DLGAP2: variants seen among roughly 807,000 people sequenced by gnomAD.
DLGAP2 encodes the protein disks large-associated protein 2.
A neutral mutation model predicts 100.3 loss-of-function variants in DLGAP2; 26 were observed. The ratio of observed to expected loss-of-function variants is 0.26; its 90% CI spans 0.19 to 0.36. The LOEUF (loss-of-function observed/expected upper bound fraction) is 0.36. Among genes scored for constraint, DLGAP2 ranks in the 10% least tolerant of loss-of-function variants. The pLI, the probability that DLGAP2 is intolerant of heterozygous loss-of-function variation, is 1.00. For missense variants in DLGAP2, 1,858 were observed against 1,453.2 expected, an observed-to-expected ratio of 1.28 and a Z score of -4.53; for synonymous variants, 886 against 630.1, an observed-to-expected ratio of 1.41 and a Z score of -6.08.
At position 1,548,864 on chromosome 8, in the gene DLGAP2, G is replaced by A. The variant is rs1371030171; in HGVS notation, c.411G>A (p.Pro137=). ...SCPGGRHRCS[P]RSSVHSECVM... is the part of the protein sequence containing the mutation. ...CCGGGGGGCGCCACCGCTGCTCGCC[G>A]CGCAGCTCGGTGCACTCGGAGTGCG... The change falls in exon 5 of 15, where the codon CCG becomes CCA. Residue 137 remains proline (P), a synonymous_variant. Coordinates refer to ENST00000637795, the MANE Select transcript of DLGAP2 (RefSeq NM_001346810.2). 8 of 1,588,228 alleles carry A rather than the reference G, an allele frequency of 5.0e-6. No individual in the cohort carries two copies. Among genetic ancestry groups the A allele is most frequent in the South Asian group, 1.1e-5 (1 of 89,682 alleles).
chr8:1,574,777 G>T (rs572073738), intron 6 of DLGAP2, among the ~76,000 whole-genome samples: 2 of 152,272 alleles, frequency 1.3e-5, no homozygotes, highest in Admixed American at 1.3e-4. Context: ...ATTGTATATG[G>T]TTCAACCTGA....
intron 4 of DLGAP2, among the ~76,000 whole-genome samples, chr8:1,521,957 G>A (rs372329145): frequency 4.7e-4 from 66 of 139,100 alleles, no homozygotes; most frequent in East Asian, 2.3e-3. Flanking sequence ...TGGAATACTC[G>A]GCAGCTGATA....
At chr8:1,427,908 C>T (rs7812765) in intron 3 of DLGAP2, among the ~76,000 whole-genome samples, 34,419 of 151,966 alleles carry the variant, frequency 0.23, 4,006 homozygotes, top group Middle Eastern at 0.3. Flanking sequence ...TTAACAGTGC[C>T]GCAATGAATA....
intron 2 of DLGAP2, among the ~76,000 whole-genome samples, chr8:1,007,875 C>T: frequency 6.6e-6 from 1 of 152,086 alleles, no homozygotes; most frequent in East Asian, 1.9e-4. Flanking sequence ...ATGGCAAGGT[C>T]ATTTTAAAAG....
At chr8:1,661,333 C>A (rs987594798) in intron 8 of DLGAP2, among the ~76,000 whole-genome samples, 1 of 152,116 alleles carries the variant, frequency 6.6e-6, no homozygotes, top group Non-Finnish European at 1.5e-5. Flanking sequence ...TTGACATGGC[C>A]AGTAGGAGCA....
At chr8:1,241,118 C>T (rs1367516131) in intron 2 of DLGAP2, among the ~76,000 whole-genome samples, 2 of 117,800 alleles carry the variant, frequency 1.7e-5, no homozygotes, top group Non-Finnish European at 3.6e-5. Flanking sequence ...CTGGTTCTCT[C>T]GCATGGCGCC....
intron 3 of DLGAP2, among the ~76,000 whole-genome samples, chr8:1,454,771 A>G (rs1013990325): frequency 8.5e-5 from 13 of 152,186 alleles, no homozygotes; most frequent in Non-Finnish European, 1.9e-4. Context: ...ACAGGCAGGT[A>G]GAAAAGGAAT....
intron 2 of DLGAP2, among the ~76,000 whole-genome samples, chr8:1,224,044 G>C (rs935497700): frequency 6.6e-6 from 1 of 152,188 alleles, no homozygotes; most frequent in Non-Finnish European, 1.5e-5. Flanking sequence ...GTTAAGCAAT[G>C]AATCAAAACG....
chr8:1,324,776 C>G (rs746183419), intron 3 of DLGAP2, among the ~76,000 whole-genome samples: 6 of 152,158 alleles, frequency 3.9e-5, no homozygotes, highest in African/African-American at 1.2e-4. Flanking sequence ...GTCTTTCTTC[C>G]TAAAATATCA....
intron 3 of DLGAP2, among the ~76,000 whole-genome samples, chr8:1,379,139 T>G (rs1186320207): frequency 6.6e-6 from 1 of 152,276 alleles, no homozygotes; most frequent in Non-Finnish European, 1.5e-5. Context: ...GGCCAGTTCT[T>G]CCCTGAGCCC....
At chr8:984,837 C>T (rs961651109) in intron 2 of DLGAP2, among the ~76,000 whole-genome samples, 2 of 152,170 alleles carry the variant, frequency 1.3e-5, no homozygotes, top group Admixed American at 6.5e-5. Flanking sequence ...GCACCTGATT[C>T]TTCACTGGTC....
chr8:974,360 C>T (rs7008809), intron 2 of DLGAP2, among the ~76,000 whole-genome samples: 2,061 of 152,250 alleles, frequency 0.014, 56 homozygotes, highest in African/African-American at 0.047. Flanking sequence ...AAAGTTGATT[C>T]AAATATTTAA....
Position 1,641,227 on chromosome 8 carries a change from G to A in DLGAP2, c.1810+8181G>A, listed in dbSNP as rs960869469. ...GCCTCCCGGTTTGCAGAAGGCGAGC[G>A]TGATGCAGATAAATCGTGCATCTGT... On this transcript the variant is annotated intron_variant, in intron 8 of 14. Coordinates refer to ENST00000637795, the MANE Select transcript of DLGAP2 (RefSeq NM_001346810.2). Among the ~76,000 whole-genome samples, 7 of 152,308 alleles carry A rather than the reference G, an allele frequency of 4.6e-5. No individual in the cohort carries two copies. The East Asian group carries it at 9.6e-4, about 21-fold the overall frequency.
chr8:1,475,277 T>C (rs776637225), intron 3 of DLGAP2, among the ~76,000 whole-genome samples: 15 of 151,444 alleles, frequency 9.9e-5, no homozygotes, highest in Non-Finnish European at 2.9e-5. Context: ...TCAACCTACA[T>C]AACACACCTG....
chr8:1,203,379 C>T lies in DLGAP2; in HGVS notation c.74-55472C>T, dbSNP rs1048606934. The stretch of plus-strand genomic sequence containing the variant: ...GAATCCATGAGACTGGCGTGTCCTT[C>T]GGTGACGAGGCCGCCCACCCTTCGG... On this transcript the variant is annotated intron_variant, in intron 2 of 14. Transcript: ENST00000637795. Among the ~76,000 whole-genome samples the T allele has an allele frequency of 2.0e-4, 31 of 151,596 alleles. 8 individuals carry two copies. Among genetic ancestry groups the T allele is most frequent in the African/African-American group, 6.8e-4 (28 of 41,276 alleles).
chr8:801,429 C>T (rs924711658), intron 1 of DLGAP2, among the ~76,000 whole-genome samples: 1 of 152,214 alleles, frequency 6.6e-6, no homozygotes, highest in Non-Finnish European at 1.5e-5. Context: ...ATGCTAAAGT[C>T]TTCAGGCTTG....
At chr8:1,631,916 A>C (rs1797656388) in intron 7 of DLGAP2, among the ~76,000 whole-genome samples, 1 of 152,228 alleles carries the variant, frequency 6.6e-6, no homozygotes, top group South Asian at 2.1e-4. Context: ...CTCTGCTGAC[A>C]ACTAAAGGAA....
chr8:1,023,210 A>G (rs1801678396), intron 2 of DLGAP2, among the ~76,000 whole-genome samples: 1 of 152,180 alleles, frequency 6.6e-6, no homozygotes, highest in Non-Finnish European at 1.5e-5. Flanking sequence ...GGACTCAAAG[A>G]GTATCTGGTC....
intron 4 of DLGAP2, among the ~76,000 whole-genome samples, chr8:1,531,630 G>T (rs1200824600): frequency 6.6e-6 from 1 of 152,116 alleles, no homozygotes. Context: ...AGATATATTA[G>T]TGTTTAGGAT....
Sources: allele counts gnomAD v4.1 joint callset (sites outside exome capture counted in the v4.1 genomes callset), GRCh38; gene constraint gnomAD v4.1.1; transcripts MANE v1.5; gene names NCBI Gene and HGNC (gene_info 2026-07-23, HGNC 2026-07-21).